Variants in CMTM8 observed in about 807,000 individuals in gnomAD.
CMTM8 encodes CKLF like MARVEL transmembrane domain containing 8, also known as CKLF-like MARVEL transmembrane domain-containing protein 8.
In CMTM8, 12 loss-of-function variants were observed where a neutral mutation model predicts 18.6. The observed-to-expected ratio is 0.65, with a 90% CI of 0.41 to 1.05. The LOEUF is 1.05. CMTM8 is among the 50% of genes least tolerant of loss of function. CMTM8 has a pLI of 0.00. For missense variants in CMTM8, 217 were observed against 227.2 expected, an observed-to-expected ratio of 0.95 and a Z score of 0.29; for synonymous variants, 87 against 90.6, an observed-to-expected ratio of 0.96 and a Z score of 0.23.
intron 1 of CMTM8, among the ~76,000 whole-genome samples, chr3:32,329,310 C>T (rs1336085799): frequency 6.6e-6 from 1 of 152,182 alleles, no homozygotes; most frequent in African/African-American, 2.4e-5. Context: ...AAGTGATCCA[C>T]CCACCTCAGC....
chr3:32,340,179 C>T (rs955315994), intron 1 of CMTM8, among the ~76,000 whole-genome samples: 23 of 152,186 alleles, frequency 1.5e-4, no homozygotes, highest in African/African-American at 5.3e-4. Flanking sequence ...CTGTGCAAGG[C>T]GTTGTAAGTG....
intron 1 of CMTM8, among the ~76,000 whole-genome samples, chr3:32,256,321 C>T (rs548578615): frequency 2.6e-5 from 4 of 151,958 alleles, no homozygotes; most frequent in African/African-American, 4.8e-5. Flanking sequence ...CCTTCTGCCT[C>T]GGCTTCCCAG....
At chr3:32,253,817 A>G (rs1157618397) in intron 1 of CMTM8, among the ~76,000 whole-genome samples, 2 of 152,116 alleles carry the variant, frequency 1.3e-5, no homozygotes, top group African/African-American at 4.8e-5. Flanking sequence ...ACCTCAGACA[A>G]TCCTCCCACC....
intron 1 of CMTM8, among the ~76,000 whole-genome samples, chr3:32,351,314 A>C (rs1042915885): frequency 6.6e-6 from 1 of 152,248 alleles, no homozygotes; most frequent in African/African-American, 2.4e-5. Flanking sequence ...TTAAAGATGT[A>C]AGCATATATA....
chr3:32,270,990 A>C (rs1444769742), intron 1 of CMTM8, among the ~76,000 whole-genome samples: 1 of 152,168 alleles, frequency 6.6e-6, no homozygotes, highest in Non-Finnish European at 1.5e-5. Context: ...TGCTAAAATG[A>C]TTGATTTTGC....
chr3:32,309,069 G>C (rs1695769327), intron 1 of CMTM8, among the ~76,000 whole-genome samples: 1 of 152,100 alleles, frequency 6.6e-6, no homozygotes, highest in African/African-American at 2.4e-5. Flanking sequence ...GTGAGAACTG[G>C]GTGTCCTGGG....
At chr3:32,275,803 C>T (rs1702508715) in intron 1 of CMTM8, among the ~76,000 whole-genome samples, 1 of 151,968 alleles carries the variant, frequency 6.6e-6, no homozygotes, top group Non-Finnish European at 1.5e-5. Flanking sequence ...GTGTGCATCA[C>T]CATGCCTGGC....
intron 1 of CMTM8, among the ~76,000 whole-genome samples, chr3:32,270,497 T>C (rs1016029579): frequency 2.0e-5 from 3 of 152,106 alleles, no homozygotes; most frequent in African/African-American, 7.2e-5. Flanking sequence ...TAGACTGGAT[T>C]AAGAAAATGT....
chr3:32,350,524 A>ATT (rs35024397), intron 1 of CMTM8, among the ~76,000 whole-genome samples: 7,047 of 135,594 alleles, frequency 0.052, 272 homozygotes, highest in East Asian at 0.13. Context: ...GGCCCAGCTA[A>ATT]TTTTTTTTTT....
intron 1 of CMTM8, among the ~76,000 whole-genome samples, chr3:32,345,280 A>G (rs909949131): frequency 1.2e-4 from 19 of 152,188 alleles, no homozygotes; most frequent in African/African-American, 4.3e-4. Context: ...ACCTGAGCCC[A>G]GGGAGGTTGA....
intron 1 of CMTM8, among the ~76,000 whole-genome samples, chr3:32,337,059 C>G (rs1013472032): frequency 1.3e-5 from 2 of 152,104 alleles, no homozygotes; most frequent in Non-Finnish European, 2.9e-5. Flanking sequence ...ACTTTTAAAA[C>G]AGACTCCCTC....
intron 2 of CMTM8, among the ~76,000 whole-genome samples, chr3:32,363,416 A>T (rs1696972526): frequency 6.6e-6 from 1 of 152,220 alleles, no homozygotes; most frequent in Non-Finnish European, 1.5e-5. Context: ...CAGTGTTGAC[A>T]TTGTATATGT....
intron 1 of CMTM8, among the ~76,000 whole-genome samples, chr3:32,323,257 G>A (rs926830501): frequency 8.5e-5 from 13 of 152,126 alleles, no homozygotes; most frequent in African/African-American, 2.2e-4. Context: ...TACTAGCCAC[G>A]CATCCGTCTA....
At chr3:32,286,580 T>C (rs989794021) in intron 1 of CMTM8, among the ~76,000 whole-genome samples, 40 of 152,332 alleles carry the variant, frequency 2.6e-4, no homozygotes, top group African/African-American at 8.9e-4. Flanking sequence ...GCATTTTGCA[T>C]GGGAGGCTTT....
At chr3:32,291,947 T>C (rs1049073246) in intron 1 of CMTM8, among the ~76,000 whole-genome samples, 34 of 152,204 alleles carry the variant, frequency 2.2e-4, no homozygotes, top group African/African-American at 7.5e-4. Context: ...TACTTGGTGA[T>C]TGCATATAGG....
At chr3:32,255,710 T>A (rs1452753035) in intron 1 of CMTM8, among the ~76,000 whole-genome samples, 2 of 152,162 alleles carry the variant, frequency 1.3e-5, no homozygotes, top group Non-Finnish European at 2.9e-5. Flanking sequence ...TTCTTTTCAT[T>A]AATTTTTACT....
chr3:32,276,692 G>T (rs912201234), intron 1 of CMTM8, among the ~76,000 whole-genome samples: 1 of 152,088 alleles, frequency 6.6e-6, no homozygotes, highest in Non-Finnish European at 1.5e-5. Flanking sequence ...GTCGTCAATG[G>T]TTCCCACAAA....
At chr3:32,320,158 C>G (rs1478588329) in intron 1 of CMTM8, among the ~76,000 whole-genome samples, 2 of 152,300 alleles carry the variant, frequency 1.3e-5, no homozygotes, top group East Asian at 3.9e-4. Flanking sequence ...AACATATGCT[C>G]ACACAAAAAC....
At chr3:32,271,868 A>G (rs1235713704) in intron 1 of CMTM8, among the ~76,000 whole-genome samples, 1 of 152,162 alleles carries the variant, frequency 6.6e-6, no homozygotes, top group African/African-American at 2.4e-5. Flanking sequence ...ATCAGGTAAA[A>G]TTCTTCATAA....
Sources: gnomAD v4.1 joint callset for allele counts (sites outside exome capture counted in the v4.1 genomes callset) on GRCh38, gnomAD v4.1.1 for gene constraint, MANE v1.5 for transcripts, NCBI Gene and HGNC (gene_info 2026-07-23, HGNC 2026-07-21) for gene names.